The following TMEM41B variants were observed in gnomAD, a reference collection of about 807,000 sequenced individuals.
TMEM41B encodes transmembrane protein 41B.
A neutral mutation model predicts 31.9 loss-of-function variants in TMEM41B; 18 were observed. That is an observed-to-expected ratio of 0.56 (90% CI 0.39 to 0.84). The LOEUF is 0.84. TMEM41B is among the 40% of genes least tolerant of loss of function. The pLI, the probability that TMEM41B is intolerant of heterozygous loss-of-function variation, is 0.00. For missense variants in TMEM41B, 322 were observed against 348.0 expected (o/e 0.93, Z 0.59); for synonymous variants, 144 against 124.3 (o/e 1.16, Z -1.05).
Position 9,289,146 on chromosome 11 carries a change from G to A in TMEM41B, c.369-611C>T, listed in dbSNP as rs183126319. On this transcript the variant is annotated intron_variant, in intron 3 of 6. Coordinates refer to ENST00000528080, the MANE Select transcript of TMEM41B (RefSeq NM_015012.4). ...AGCCTTGCAAGTAGTTGGGATCACGGACGTGTGTCACCACACCAATTTTTA... is the reference window on the plus strand; with the variant it reads ...AGCCTTGCAAGTAGTTGGGATCACGAACGTGTGTCACCACACCAATTTTTA... 3.7e-3 allele frequency among the ~76,000 whole-genome samples: 547 copies of A among 147,312 alleles called. 4 individuals are homozygous for A. Among genetic ancestry groups the A allele is most frequent in the African/African-American group, 0.012 (493 of 41,264 alleles).
chr11:9,297,620 G>C (rs1418339636), intron 2 of TMEM41B, among the ~76,000 whole-genome samples: 1 of 152,070 alleles, frequency 6.6e-6, no homozygotes, highest in Non-Finnish European at 1.5e-5. Flanking sequence ...TGAACTGGGA[G>C]GTGGGGGCTG....
At chr11:9,310,539 A>G (rs1853532162) in intron 1 of TMEM41B, among the ~76,000 whole-genome samples, 2 of 152,122 alleles carry the variant, frequency 1.3e-5, no homozygotes, top group Non-Finnish European at 2.9e-5. Context: ...AACATAGTCC[A>G]GCTCTCTTAA....
chr11:9,311,393 A>G (rs10734643), intron 1 of TMEM41B: 1,303,548 of 1,438,266 alleles, frequency 0.91, 592,435 homozygotes, highest in East Asian at 0.99. Context: ...CTGCTGGTCC[A>G]ACCATGCCAG....
Position 9,283,171 on chromosome 11 carries a change from T to C in TMEM41B, c.*253A>G, listed in dbSNP as rs1852760374. 7.1e-6 allele frequency: 2 copies of C among 283,252 alleles called. No homozygotes were observed. The highest frequency in any genetic ancestry group is 1.3e-5 in the Non-Finnish European group (2 of 155,242). The allele number at this position is 283,252 out of a possible 1,614,324, so 17.5% of individuals were successfully genotyped here. A position where few individuals can be genotyped will look rare whatever the true frequency, so the allele number is the denominator to read the frequency against. ...CACTACTATTATCTACAGCTACCCT[T>C]GGTATAATAATTTATAAGATGTCTA... On this transcript the variant is annotated 3_prime_UTR_variant, in exon 7 of 7. Transcript: ENST00000528080.
At position 9,302,625 on chromosome 11, in the gene TMEM41B, G is replaced by A. The variant is rs1398900232; in HGVS notation, c.122-2924C>T. ...TACTAAATTCTATGTTGAACACATA[G>A]AGAAATAGAAACCAACTAGCTCCTT... is the stretch of plus-strand genomic sequence containing the variant. On this transcript the variant is annotated intron_variant, in intron 1 of 6. Transcript: ENST00000528080. Among the ~76,000 whole-genome samples, 2 of 99,598 alleles carry A rather than the reference G, an allele frequency of 2.0e-5. 1 individual carries two copies. 65.3% of individuals were successfully genotyped at this position (99,598 alleles called of 152,430 possible). A position where few individuals can be genotyped will look rare whatever the true frequency, so the allele number is the denominator to read the frequency against.
In TMEM41B at chr11:9,288,341, A is replaced by G. The variant is rs1590372635; in HGVS notation, c.462+101T>C. 14 of 775,044 alleles carry G rather than the reference A, an allele frequency of 1.8e-5. No homozygotes were observed. In the East Asian group the frequency reaches 4.1e-4, roughly 23 times the overall value. 48.0% of individuals were successfully genotyped at this position (775,044 alleles called of 1,614,324 possible). On this transcript the variant is annotated intron_variant, in intron 4 of 6. Coordinates refer to ENST00000528080, the MANE Select transcript of TMEM41B (RefSeq NM_015012.4). ...TTTAACATTAACTCCTCTTCAATTAATGAGTTTATGCTTACATAGACTAGT... is the reference window on the plus strand; with the variant it reads ...TTTAACATTAACTCCTCTTCAATTAGTGAGTTTATGCTTACATAGACTAGT...
chr11:9,308,414 C>T (rs1853453328), intron 1 of TMEM41B, among the ~76,000 whole-genome samples: 1 of 152,100 alleles, frequency 6.6e-6, no homozygotes, highest in Non-Finnish European at 1.5e-5. Context: ...TATTCCATTC[C>T]TTGCCTTTTT....
At chr11:9,289,834 T>A (rs1343649685) in intron 3 of TMEM41B, among the ~76,000 whole-genome samples, 1 of 152,208 alleles carries the variant, frequency 6.6e-6, no homozygotes, top group Non-Finnish European at 1.5e-5. Context: ...ACAGGTAATT[T>A]CTTCTCTAGA....
At chr11:9,290,832 T>G (rs1852942424) in intron 3 of TMEM41B, among the ~76,000 whole-genome samples, 1 of 152,074 alleles carries the variant, frequency 6.6e-6, no homozygotes, top group African/African-American at 2.4e-5. Context: ...TATTAACATA[T>G]TTCAGGCTGG....
At chr11:9,294,180 CAAAAAAAAAAAAAAAAAAAA>C (rs538372314) in intron 3 of TMEM41B, among the ~76,000 whole-genome samples, 1 of 73,452 alleles carries the variant, frequency 1.4e-5, no homozygotes, top group Non-Finnish European at 2.4e-5. Flanking sequence ...GAACCTGTCT[CAAAAAAAAAAAAAAAAAAAA>C]AAAAAAAAAA....
intron 1 of TMEM41B, among the ~76,000 whole-genome samples, chr11:9,308,418 C>T (rs1564968495): frequency 2.0e-5 from 3 of 152,140 alleles, no homozygotes; most frequent in South Asian, 4.1e-4. Flanking sequence ...CCATTCCTTG[C>T]CTTTTTCTTC....
intron 3 of TMEM41B, among the ~76,000 whole-genome samples, chr11:9,292,460 CT>C (rs1852981121): frequency 6.6e-6 from 1 of 152,070 alleles, no homozygotes. Flanking sequence ...TATTAATAAT[CT>C]AAAACGTTTC....
chr11:9,288,760 A>G (rs1050307079), intron 3 of TMEM41B, among the ~76,000 whole-genome samples: 7 of 152,178 alleles, frequency 4.6e-5, no homozygotes, highest in African/African-American at 1.7e-4. Flanking sequence ...CTAGATAGAG[A>G]GGAACCGGGC....
At chr11:9,295,209 C>T in intron 3 of TMEM41B, 50 bp downstream of exon 3, 1 of 1,433,630 alleles carries the variant, frequency 7.0e-7, no homozygotes, top group Non-Finnish European at 9.4e-7. Flanking sequence ...AGACCTTTTA[C>T]ACTTTTTCTT....
At position 9,299,694 on chromosome 11, in the gene TMEM41B, G is replaced by T. The variant is rs772541243; in HGVS notation, c.129C>A (p.Ser43=). The change falls in exon 2 of 7, where the codon TCC becomes TCA. Residue 43 remains serine, a synonymous_variant. Coordinates refer to ENST00000528080, the MANE Select transcript of TMEM41B (RefSeq NM_015012.4). ...PGSRDHQKEK[S]WVEAGSARMS... is the part of the protein sequence containing the mutation. ...TTCTTGCTGATCCAGCTTCTACCCA[G>T]GATTTTTCTGGAAGAAAAAAGAAAG... is the stretch of plus-strand genomic sequence containing the variant. 6 of 1,596,948 alleles carry T rather than the reference G, an allele frequency of 3.8e-6. No homozygotes were observed. In the East Asian group the frequency reaches 1.3e-4, roughly 36 times the overall value.
intron 1 of TMEM41B, chr11:9,311,327 G>C: frequency 6.6e-7 from 1 of 1,518,962 alleles, no homozygotes; most frequent in South Asian, 1.1e-5. Flanking sequence ...TGCTATGCTT[G>C]TGCATCTTTT....
At chr11:9,295,794 A>C (rs1853070937) in intron 2 of TMEM41B, among the ~76,000 whole-genome samples, 2 of 152,020 alleles carry the variant, frequency 1.3e-5, no homozygotes, top group African/African-American at 4.8e-5. Flanking sequence ...TCGGCCTCCC[A>C]AAGTGCTGGG....
chr11:9,312,671 C>T (rs1025291367), intron 1 of TMEM41B, among the ~76,000 whole-genome samples: 15 of 151,860 alleles, frequency 9.9e-5, no homozygotes, highest in African/African-American at 3.4e-4. Flanking sequence ...TTTGGGAGGC[C>T]GAGGCGGGCG....
chr11:9,298,777 A>G (rs1310910917), intron 2 of TMEM41B, among the ~76,000 whole-genome samples: 1 of 59,744 alleles, frequency 1.7e-5, no homozygotes, highest in African/African-American at 7.8e-5. Context: ...CAAATGAAGA[A>G]AAAAAAAAAA....
Sources: allele counts gnomAD v4.1 joint callset (sites outside exome capture counted in the v4.1 genomes callset), GRCh38; gene constraint gnomAD v4.1.1; transcripts MANE v1.5; gene names NCBI Gene and HGNC (gene_info 2026-07-23, HGNC 2026-07-21).